The following DLGAP2 variants were observed in gnomAD, a reference collection of about 807,000 sequenced individuals.
The protein encoded by DLGAP2 is DLG associated protein 2, also known as disks large-associated protein 2.
DLGAP2 carries 26 observed loss-of-function variants against 100.3 expected under a neutral mutation model. The observed-to-expected ratio is 0.26, with a 90% CI of 0.19 to 0.36. DLGAP2 has a LOEUF of 0.36. Among genes scored for constraint, DLGAP2 ranks in the 10% least tolerant of loss-of-function variants. The pLI, the probability that DLGAP2 is intolerant of heterozygous loss-of-function variation, is 1.00. For missense variants in DLGAP2, 1,858 were observed against 1,453.2 expected, an observed-to-expected ratio of 1.28 and a Z score of -4.53; for synonymous variants, 886 against 630.1, an observed-to-expected ratio of 1.41 and a Z score of -6.08.
At chr8:1,539,437 T>A (rs1410420399) in intron 4 of DLGAP2, among the ~76,000 whole-genome samples, 1 of 152,152 alleles carries the variant, frequency 6.6e-6, no homozygotes, top group Non-Finnish European at 1.5e-5. Context: ...TGGACGGCTC[T>A]AATCTCGGTG....
chr8:1,442,703 A>T lies in DLGAP2; in HGVS notation c.107-58663A>T, dbSNP rs1258269072. Among the ~76,000 whole-genome samples, 3 of 109,808 alleles carry T rather than the reference A, an allele frequency of 2.7e-5. No homozygotes were observed. The South Asian group carries it at 9.1e-4, about 33-fold the overall frequency. 72.0% of individuals were successfully genotyped at this position (109,808 alleles called of 152,430 possible). Reference sequence around the variant, plus strand: ...AGGCTGCTGTGGGTTCATCCACTGGAGGAGACGGATCCGGGCATAGACCCG... The same window carrying T: ...AGGCTGCTGTGGGTTCATCCACTGGTGGAGACGGATCCGGGCATAGACCCG... On this transcript the variant is annotated intron_variant, in intron 3 of 14. Coordinates refer to ENST00000637795, the MANE Select transcript of DLGAP2 (RefSeq NM_001346810.2).
At chr8:1,424,575 A>G (rs1271642483) in intron 3 of DLGAP2, among the ~76,000 whole-genome samples, 1 of 152,242 alleles carries the variant, frequency 6.6e-6, no homozygotes, top group Non-Finnish European at 1.5e-5. Flanking sequence ...TCACAAAAGG[A>G]CAAGGACGGT....
At chr8:1,064,612 T>C (rs1803189139) in intron 2 of DLGAP2, among the ~76,000 whole-genome samples, 1 of 152,252 alleles carries the variant, frequency 6.6e-6, no homozygotes, top group Admixed American at 6.5e-5. Context: ...TTTGATGGCT[T>C]TCTTTTTTCT....
intron 13 of DLGAP2, 124 bp downstream of exon 13, chr8:1,691,750 T>G: frequency 1.3e-5 from 11 of 821,972 alleles, no homozygotes; most frequent in Middle Eastern, 2.3e-4. Context: ...TCACGTGCAC[T>G]TACTACAGAA....
At chr8:831,770 A>G (rs1288548411) in intron 1 of DLGAP2, among the ~76,000 whole-genome samples, 2 of 152,194 alleles carry the variant, frequency 1.3e-5, no homozygotes, top group Non-Finnish European at 2.9e-5. Context: ...TTCTAGTTCT[A>G]GATCCTTAGG....
rs150827451 is a variant in DLGAP2, at chr8:1,024,736, C to T, written c.73+116770C>T. Among the ~76,000 whole-genome samples, 16 of 152,306 alleles carry T rather than the reference C, an allele frequency of 1.1e-4. 1 individual carries two copies. Among genetic ancestry groups the T allele is most frequent in the African/African-American group, 3.8e-4 (16 of 41,564 alleles). ...CAGGCGCTTCAGCAGGGCTGGGTCACGGTCACGTAGGGTCCTCTGGGTGAA... is the reference window on the plus strand; with the variant it reads ...CAGGCGCTTCAGCAGGGCTGGGTCATGGTCACGTAGGGTCCTCTGGGTGAA... On this transcript the variant is annotated intron_variant, in intron 2 of 14. Coordinates refer to ENST00000637795, the MANE Select transcript of DLGAP2 (RefSeq NM_001346810.2).
chr8:1,099,833 C>G (rs966881052), intron 2 of DLGAP2, among the ~76,000 whole-genome samples: 1 of 152,168 alleles, frequency 6.6e-6, no homozygotes, highest in Non-Finnish European at 1.5e-5. Context: ...GTGATAATTC[C>G]TTCTGAATAT....
At chr8:1,227,801 G>T (rs1017078831) in intron 2 of DLGAP2, among the ~76,000 whole-genome samples, 4 of 152,122 alleles carry the variant, frequency 2.6e-5, no homozygotes, top group African/African-American at 4.8e-5. Flanking sequence ...GAGCAGATAA[G>T]ATGAACAAGT....
At chr8:1,259,654 G>C (rs1156410719) in intron 3 of DLGAP2, 1 of 152,204 alleles carries the variant, frequency 6.6e-6, no homozygotes, top group African/African-American at 2.4e-5. Context: ...GCCCAGCCCA[G>C]CTCTGCTTCC....
At position 1,519,554 on chromosome 8, in the gene DLGAP2, T is replaced by G. The variant is rs117063574; in HGVS notation, c.172+18123T>G. Among the ~76,000 whole-genome samples the G allele has an allele frequency of 6.9e-4, 105 of 152,394 alleles. 2 individuals carry two copies. In the East Asian group the frequency reaches 0.018, roughly 26 times the overall value. ...TTAGAGAGGCACAAGCTGCATTCTC[T>G]GACCCTGATCCCCTTGTTTAACGGT... On this transcript the variant is annotated intron_variant, in intron 4 of 14. Transcript: ENST00000637795.
chr8:1,189,379 A>G (rs1170899801), intron 2 of DLGAP2, among the ~76,000 whole-genome samples: 44 of 152,334 alleles, frequency 2.9e-4, no homozygotes, highest in Non-Finnish European at 1.0e-4. Context: ...TCCCTAAATA[A>G]CATTAAGACA....
At chr8:1,330,574 CTG>C (rs1801130356) in intron 3 of DLGAP2, among the ~76,000 whole-genome samples, 1 of 142,948 alleles carries the variant, frequency 7.0e-6, no homozygotes, top group African/African-American at 2.6e-5. Flanking sequence ...GGACTGAGTT[CTG>C]TGTGGGAGCA....
intron 1 of DLGAP2, among the ~76,000 whole-genome samples, chr8:800,732 G>A (rs1427975407): frequency 6.6e-6 from 1 of 152,094 alleles, no homozygotes. Flanking sequence ...GTGTTTGTGT[G>A]TATGTGTATG....
intron 2 of DLGAP2, among the ~76,000 whole-genome samples, chr8:1,214,113 G>A (rs1031290828): frequency 5.9e-5 from 9 of 152,070 alleles, no homozygotes; most frequent in Non-Finnish European, 7.4e-5. Context: ...GGGGCCTTGC[G>A]TCTTACCACA....
chr8:1,341,356 C>T (rs1302603526), intron 3 of DLGAP2, among the ~76,000 whole-genome samples: 3 of 152,292 alleles, frequency 2.0e-5, no homozygotes, highest in Admixed American at 1.3e-4. Context: ...TTTTGGCATA[C>T]TTTCTTTTTG....
At chr8:1,234,797 A>C (rs1798608219) in intron 2 of DLGAP2, among the ~76,000 whole-genome samples, 1 of 152,172 alleles carries the variant, frequency 6.6e-6, no homozygotes, top group African/African-American at 2.4e-5. Flanking sequence ...GGGGCCTTTC[A>C]TGTGCCCTCA....
chr8:1,103,872 A>T (rs1804667250), intron 2 of DLGAP2, among the ~76,000 whole-genome samples: 1 of 152,214 alleles, frequency 6.6e-6, no homozygotes, highest in East Asian at 1.9e-4. Context: ...AATCAGTTCG[A>T]GGGGTCCCCG....
intron 1 of DLGAP2, among the ~76,000 whole-genome samples, chr8:861,904 C>T (rs1045491524): frequency 6.6e-6 from 1 of 152,140 alleles, no homozygotes; most frequent in African/African-American, 2.4e-5. Context: ...TATTGTAGGG[C>T]TCAGTATAAG....
chr8:1,343,046 T>C (rs1004374537), intron 3 of DLGAP2, among the ~76,000 whole-genome samples: 1 of 152,216 alleles, frequency 6.6e-6, no homozygotes, highest in Non-Finnish European at 1.5e-5. Flanking sequence ...TTCTGTACTT[T>C]TTGTTCATAT....
Sources: allele counts gnomAD v4.1 joint callset (sites outside exome capture counted in the v4.1 genomes callset), GRCh38; gene constraint gnomAD v4.1.1; transcripts MANE v1.5; gene names NCBI Gene and HGNC (gene_info 2026-07-23, HGNC 2026-07-21).